A2M: variants seen among roughly 807,000 people sequenced by gnomAD.
The protein encoded by A2M is alpha-2-macroglobulin.
A neutral mutation model predicts 183.9 loss-of-function variants in A2M; 128 were observed. The observed-to-expected ratio is 0.70, with a 90% CI of 0.60 to 0.81. The LOEUF is 0.81. Ranked by LOEUF, A2M falls within the 30% of genes least tolerant of loss-of-function variation. The pLI, the probability that A2M is intolerant of heterozygous loss-of-function variation, is 0.00. For missense variants in A2M, 1,495 were observed against 1,787.6 expected, an observed-to-expected ratio of 0.84 and a Z score of 2.95; for synonymous variants, 592 against 670.8, an observed-to-expected ratio of 0.88 and a Z score of 1.81.
Position 9,101,609 on chromosome 12 carries a change from T to G in A2M, c.1332A>C (p.Ala444=), listed in dbSNP as rs768300756. ...YQWVSEEHEE[A]HHTAYLVFSP... ...AGAACACAAGATAAGCAGTGTGATG[T>G]GCCTCTTCGTGTTCTTCTGACACCC... is the stretch of plus-strand genomic sequence containing the variant. The change falls in exon 12 of 36, where the codon GCA becomes GCC. Residue 444 remains alanine, a synonymous_variant. Coordinates refer to ENST00000318602, the MANE Select transcript of A2M (RefSeq NM_000014.6). 1.2e-6 allele frequency: 2 copies of G among 1,614,022 alleles called. No homozygotes were observed. Among genetic ancestry groups the G allele is most frequent in the East Asian group, 2.2e-5 (1 of 44,886 alleles).
chr12:9,072,283 T>G, intron 31 of A2M, 76 bp downstream of exon 31: 2 of 1,533,974 alleles, frequency 1.3e-6, no homozygotes, highest in Non-Finnish European at 1.8e-6. Flanking sequence ...GTTGCACTGC[T>G]TTACTTAAAG....
At chr12:9,115,301 C>T (rs1939037314) in intron 1 of A2M, 1 of 155,166 alleles carries the variant, frequency 6.4e-6, no homozygotes, top group Admixed American at 6.3e-5. Context: ...GAGTCCCTTG[C>T]TTTTTCAATA....
At chr12:9,093,872 G>A (rs375208193) in intron 17 of A2M, among the ~76,000 whole-genome samples, 1 of 150,412 alleles carries the variant, frequency 6.6e-6, no homozygotes, top group African/African-American at 2.5e-5. Context: ...CGACCTGAGC[G>A]ACAGAGTGAG....
In A2M at chr12:9,095,091, A is replaced by T. The variant is rs900291616; in HGVS notation, c.2014-7T>A. The T allele has an allele frequency of 4.8e-6, 7 of 1,464,274 alleles. No homozygotes were observed. In the African/African-American group the frequency reaches 8.4e-5, roughly 18 times the overall value. The allele number at this position is 1,464,274 out of a possible 1,614,324, so 90.7% of individuals were successfully genotyped here. A position where few individuals can be genotyped will look rare whatever the true frequency, so the allele number is the denominator to read the frequency against. ...ATGCCTTTAAGCCCATGTCCTGCAA[A>T]GAAAATTATCATCTAATCAGTAAAT... is the stretch of plus-strand genomic sequence containing the variant. On this transcript the variant is annotated splice_region_variant and splice_polypyrimidine_tract_variant and intron_variant, in intron 16 of 35. Coordinates refer to ENST00000318602, the MANE Select transcript of A2M (RefSeq NM_000014.6).
chr12:9,113,118 T>C (rs1938869409), intron 2 of A2M, among the ~76,000 whole-genome samples: 1 of 139,832 alleles, frequency 7.2e-6, no homozygotes, highest in African/African-American at 2.8e-5. Context: ...TTTTTTTTTT[T>C]CCTTTCTGGC....
chr12:9,071,659 A>G (rs1443364661), intron 31 of A2M, among the ~76,000 whole-genome samples: 1 of 152,006 alleles, frequency 6.6e-6, no homozygotes, highest in African/African-American at 2.4e-5. Flanking sequence ...TGTTCTCATC[A>G]TTTAGCTCCC....
chr12:9,114,815 A>C (rs1478651709), intron 1 of A2M, among the ~76,000 whole-genome samples: 1 of 152,182 alleles, frequency 6.6e-6, no homozygotes, highest in Non-Finnish European at 1.5e-5. Flanking sequence ...ATAAATTTAT[A>C]AATATTAAAC....
intron 11 of A2M, among the ~76,000 whole-genome samples, chr12:9,102,496 G>A (rs777330097): frequency 1.3e-5 from 2 of 152,096 alleles, no homozygotes; most frequent in African/African-American, 2.4e-5. Context: ...GATTACAGGC[G>A]TGAGCTACCG....
At chr12:9,077,500 T>C in intron 26 of A2M, 80 bp from the exon 27 acceptor site, 15 of 1,492,812 alleles carry the variant, frequency 1.0e-5, no homozygotes, top group Non-Finnish European at 1.3e-5. Context: ...TGCTGTGTCA[T>C]GGAATTCATC....
intron 32 of A2M, 83 bp from the exon 33 acceptor site, chr12:9,069,896 A>G: frequency 3.5e-6 from 4 of 1,158,348 alleles, no homozygotes; most frequent in Non-Finnish European, 5.2e-6. Context: ...TGTATTGCCA[A>G]AATAACCCTG....
At chr12:9,104,674 A>C (rs745373617) in intron 10 of A2M, among the ~76,000 whole-genome samples, 44 of 152,338 alleles carry the variant, frequency 2.9e-4, no homozygotes, top group African/African-American at 9.9e-4. Context: ...ATAGAGAGTG[A>C]TAGGGATAAT....
intron 35 of A2M, 102 bp downstream of exon 35, chr12:9,068,081 A>G: frequency 4.5e-6 from 6 of 1,331,562 alleles, no homozygotes; most frequent in Non-Finnish European, 6.3e-6. Context: ...GAGTAATTTG[A>G]TGTTTTTGAC....
At chr12:9,085,094 A>C (rs1454593035) in intron 22 of A2M, among the ~76,000 whole-genome samples, 1 of 152,150 alleles carries the variant, frequency 6.6e-6, no homozygotes, top group African/African-American at 2.4e-5. Flanking sequence ...GAATTTCAAC[A>C]TCTCACTTTT....
Position 9,072,361 on chromosome 12 carries a change from G to A in A2M, c.4101C>T (p.Val1367=), listed in dbSNP as rs780377491. The change falls in exon 31 of 36, where the codon GTC becomes GTT. Residue 1367 remains valine, a splice_region_variant and synonymous_variant. Transcript: ENST00000318602. ...GTGATAGAGTCAGAAGGTCTTACCT[G>A]ACACTTAGGGAGATTTGGAAGCTGG... ...AHTSFQISLS[V]SYTGSRSASN... The A allele has an allele frequency of 6.2e-7, 1 of 1,613,798 alleles. No individual in the cohort carries two copies. Among genetic ancestry groups the A allele is most frequent in the Non-Finnish European group, 8.5e-7 (1 of 1,179,838 alleles).
chr12:9,088,495 C>T (rs900441936), intron 22 of A2M, among the ~76,000 whole-genome samples: 6 of 151,964 alleles, frequency 3.9e-5, no homozygotes, highest in Admixed American at 2.6e-4. Context: ...TTTTAGGGTA[C>T]ATTTTATGTG....
chr12:9,093,435 T>C (rs1949270075), intron 18 of A2M, 30 bp downstream of exon 18: 1 of 1,469,258 alleles, frequency 6.8e-7, no homozygotes, highest in African/African-American at 1.4e-5. Context: ...CCTCTATTGT[T>C]GCATATTGCA....
chr12:9,088,255 G>GTT (rs11384439), intron 22 of A2M, among the ~76,000 whole-genome samples: 27 of 148,120 alleles, frequency 1.8e-4, no homozygotes, highest in Non-Finnish European at 1.4e-4. Context: ...GTGATGTTCT[G>GTT]TTTTTTTTTT....
At position 9,077,419 on chromosome 12, in the gene A2M, C is replaced by T; in HGVS notation, c.3278G>A (p.Gly1093Glu). ...GAGGGTCACTTCATCTTCTACTCCT[C>T]CCTGTGAATACGAGAGAGAGATCTG... ...SGSLLNNAIKGGVEDEVTLSA... is the reference protein window; with the variant it reads ...SGSLLNNAIKEGVEDEVTLSA... Residue 1093 changes from glycine (G) to glutamate (E), a missense_variant and splice_region_variant, in exon 27 of 36, where the codon GGA (glycine) becomes GAA (glutamate). Physicochemically the swap from Gly to Glu is moderately conservative, Grantham distance 98. Coordinates refer to ENST00000318602, the MANE Select transcript of A2M (RefSeq NM_000014.6). The T allele has an allele frequency of 6.2e-7, 1 of 1,612,262 alleles. No homozygotes were observed. The highest frequency in any genetic ancestry group is 2.2e-5 in the East Asian group (1 of 44,858).
intron 15 of A2M, 49 bp from the exon 16 acceptor site, chr12:9,095,749 T>G: frequency 5.1e-6 from 7 of 1,371,354 alleles, no homozygotes; most frequent in Non-Finnish European, 6.7e-6. Flanking sequence ...TGACTTTTTT[T>G]TTTTTTTTTT....
Sources: allele counts gnomAD v4.1 joint callset (sites outside exome capture counted in the v4.1 genomes callset), GRCh38; gene constraint gnomAD v4.1.1; transcripts MANE v1.5; gene names NCBI Gene and HGNC (gene_info 2026-07-23, HGNC 2026-07-21).